BCAS3: variants seen among roughly 807,000 people sequenced by gnomAD.
BCAS3 encodes the protein BCAS4/BCAS3 fusion.
A neutral mutation model predicts 116.1 loss-of-function variants in BCAS3; 53 were observed. That is an observed-to-expected ratio of 0.46 (90% CI 0.37 to 0.57). The LOEUF (loss-of-function observed/expected upper bound fraction) is 0.57. Among genes scored for constraint, BCAS3 ranks in the 20% least tolerant of loss-of-function variants. The pLI, the probability that BCAS3 is intolerant of heterozygous loss-of-function variation, is 0.00. For missense variants in BCAS3, 917 were observed against 1,165.4 expected, an observed-to-expected ratio of 0.79 and a Z score of 3.10; for synonymous variants, 391 against 408.2, an observed-to-expected ratio of 0.96 and a Z score of 0.51.
At chr17:60,740,498 C>T (rs868434229) in intron 5 of BCAS3, among the ~76,000 whole-genome samples, 37 of 58,364 alleles carry the variant, frequency 6.3e-4, no homozygotes, top group East Asian at 4.7e-3. Context: ...GACCCTGTCT[C>T]AAAAAAAAAA....
chr17:61,152,331 G>T (rs1185951606), intron 22 of BCAS3, among the ~76,000 whole-genome samples: 1 of 152,080 alleles, frequency 6.6e-6, no homozygotes, highest in African/African-American at 2.4e-5. Flanking sequence ...CTAGTGATTG[G>T]TGTGTTTTAC....
intron 15 of BCAS3, among the ~76,000 whole-genome samples, chr17:60,996,305 C>A (rs990008885): frequency 1.3e-5 from 2 of 152,116 alleles, no homozygotes; most frequent in African/African-American, 4.8e-5. Context: ...TGCAAAAAAT[C>A]AGGCAAGAAA....
At chr17:61,143,696 G>A (rs543621603) in intron 22 of BCAS3, among the ~76,000 whole-genome samples, 1 of 152,180 alleles carries the variant, frequency 6.6e-6, no homozygotes. Context: ...GTAATCCCAG[G>A]TACTAGGGAG....
intron 22 of BCAS3, among the ~76,000 whole-genome samples, chr17:61,185,071 T>C (rs935467403): frequency 2.6e-5 from 4 of 151,860 alleles, no homozygotes; most frequent in African/African-American, 9.7e-5. Flanking sequence ...ACACTTAAAA[T>C]GGGTGAGTTT....
In BCAS3 at chr17:61,256,626, T is replaced by A. The variant is rs1302702857; in HGVS notation, c.2426-111701T>A. On this transcript the variant is annotated intron_variant, in intron 22 of 23. Coordinates refer to ENST00000407086, the MANE Select transcript of BCAS3 (RefSeq NM_017679.5). This position sits in a 1 kb window ranked among gnomAD's most constrained non-coding sequence, Gnocchi z 5.6. The stretch of plus-strand genomic sequence containing the variant: ...GCCGTTTGGTTTTGTTTAGGTGTCT[T>A]TGTCCATGGAGTGCTATGTGTCCAG... Among the ~76,000 whole-genome samples the A allele has an allele frequency of 6.6e-6, 1 of 152,130 alleles. No homozygotes were observed. The highest frequency in any genetic ancestry group is 1.5e-5 in the Non-Finnish European group (1 of 68,012).
intron 10 of BCAS3, among the ~76,000 whole-genome samples, chr17:60,901,208 C>T (rs1321154715): frequency 1.4e-5 from 2 of 147,818 alleles, no homozygotes; most frequent in Non-Finnish European, 3.0e-5. Context: ...GAGACTCTGT[C>T]TCTTAAAAAA....
chr17:61,358,759 G>T (rs1191207177), intron 22 of BCAS3, among the ~76,000 whole-genome samples: 1 of 152,018 alleles, frequency 6.6e-6, no homozygotes, highest in Non-Finnish European at 1.5e-5. Flanking sequence ...GCCTCCCAAA[G>T]TGCTGGGATT....
At chr17:60,843,535 G>C (rs2052183827) in intron 7 of BCAS3, among the ~76,000 whole-genome samples, 1 of 152,008 alleles carries the variant, frequency 6.6e-6, no homozygotes, top group Non-Finnish European at 1.5e-5. Context: ...ATTTGTTGAA[G>C]TTAAGAATAT....
intron 15 of BCAS3, among the ~76,000 whole-genome samples, chr17:61,014,181 C>G (rs111516742): frequency 3.3e-5 from 5 of 151,938 alleles, no homozygotes; most frequent in African/African-American, 1.2e-4. Flanking sequence ...CAGTCAAGAA[C>G]AGTGATATAA....
rs2058165799 is a variant in BCAS3, at chr17:61,356,925, C to T, written c.2426-11402C>T. ...GACATGGGCCATGGAGCTGCAGGCT[C>T]ACCTGCCCCCGGCTGAGTCAGGACC... On this transcript the variant is annotated intron_variant, in intron 22 of 23. Transcript: ENST00000407086. This position sits in a 1 kb window ranked among gnomAD's most constrained non-coding sequence, Gnocchi z 5.4. 2 of 152,350 alleles carry T rather than the reference C, an allele frequency of 1.3e-5. No homozygotes were observed. Among genetic ancestry groups the T allele is most frequent in the African/African-American group, 2.4e-5 (1 of 41,582 alleles). 9.4% of individuals were successfully genotyped at this position (152,350 alleles called of 1,614,324 possible). A position where few individuals can be genotyped will look rare whatever the true frequency, so the allele number is the denominator to read the frequency against.
rs529214269 is a variant in BCAS3 at position 61,371,730 on chromosome 17, A to T, written c.2593+3236A>T. The stretch of plus-strand genomic sequence containing the variant: ...TCAATTAAAAAATATATATTTTTTT[A>T]AAAGTGTGGTCTTCAGACCCACAGC... On this transcript the variant is annotated intron_variant, in intron 23 of 23. Transcript: ENST00000407086. 3.0e-3 allele frequency among the ~76,000 whole-genome samples: 450 copies of T among 152,300 alleles called. 2 individuals are homozygous for T. The highest frequency in any genetic ancestry group is 3.5e-3 in the Non-Finnish European group (239 of 68,016).
chr17:61,368,124 C>T lies in BCAS3; in HGVS notation c.2426-203C>T, dbSNP rs146603352. 2.4e-3 allele frequency: 1,043 copies of T among 440,708 alleles called. 10 individuals carry two copies. The highest frequency in any genetic ancestry group is 0.018 in the African/African-American group (906 of 51,092). 27.3% of individuals were successfully genotyped at this position (440,708 alleles called of 1,614,324 possible). ...TGTAAAACCACCAGCCTCAGTGTCA[C>T]GGAAGTCACTCCAGAGGTCTGCACT... On this transcript the variant is annotated intron_variant, in intron 22 of 23. Transcript: ENST00000407086. This position sits in a 1 kb window ranked among gnomAD's most constrained non-coding sequence, Gnocchi z 6.0.
At chr17:60,935,963 C>T (rs913125437) in intron 13 of BCAS3, among the ~76,000 whole-genome samples, 4 of 151,922 alleles carry the variant, frequency 2.6e-5, no homozygotes, top group East Asian at 1.9e-4. Context: ...CCCAGTAACT[C>T]GTCATTTAAC....
chr17:61,318,325 A>C (rs933350965), intron 22 of BCAS3, among the ~76,000 whole-genome samples: 1 of 152,202 alleles, frequency 6.6e-6, no homozygotes, highest in Non-Finnish European at 1.5e-5. Flanking sequence ...CTCAGTTGGA[A>C]ACTTTCTTCT....
At chr17:60,809,292 G>C (rs1415019451) in intron 7 of BCAS3, among the ~76,000 whole-genome samples, 1 of 150,290 alleles carries the variant, frequency 6.7e-6, no homozygotes, top group Non-Finnish European at 1.5e-5. Flanking sequence ...AAAAAAGAGA[G>C]AGTTTGTGAC....
intron 22 of BCAS3, among the ~76,000 whole-genome samples, chr17:61,197,339 AC>A (rs1230363431): frequency 1.3e-5 from 2 of 152,226 alleles, no homozygotes; most frequent in Non-Finnish European, 2.9e-5. Flanking sequence ...CTCCAGTCTT[AC>A]GTTTGCTTAA....
At chr17:60,905,563 A>G (rs8071654) in intron 11 of BCAS3, among the ~76,000 whole-genome samples, 51,664 of 152,068 alleles carry the variant, frequency 0.34, 15,680 homozygotes, top group African/African-American at 0.82. Flanking sequence ...TTTTGGGTCC[A>G]TTTCTCTTGT....
chr17:60,889,624 CATCGATATAT>C, intron 9 of BCAS3, 61 bp from the exon 10 acceptor site: 2 of 1,220,048 alleles, frequency 1.6e-6, no homozygotes, highest in Admixed American at 3.9e-5. Context: ...GTTTTTCTGG[CATCGATATAT>C]GATGCACCAA....
At position 61,136,694 on chromosome 17, in the gene BCAS3, G is replaced by C. The variant is rs1323928794; in HGVS notation, c.2425+52130G>C. Among the ~76,000 whole-genome samples the C allele has an allele frequency of 6.6e-6, 1 of 152,118 alleles. No homozygotes were observed. The highest frequency in any genetic ancestry group is 1.9e-4 in the East Asian group (1 of 5,198). ...TATACCTCAGCCTCCTGAGTAGCTG[G>C]GATTACAGGTGTGTGCCACCACACG... On this transcript the variant is annotated intron_variant, in intron 22 of 23. Coordinates refer to ENST00000407086, the MANE Select transcript of BCAS3 (RefSeq NM_017679.5). This position sits in a 1 kb window ranked among gnomAD's most constrained non-coding sequence, Gnocchi z 4.4.
Sources: gnomAD v4.1 joint callset for allele counts (sites outside exome capture counted in the v4.1 genomes callset) on GRCh38, gnomAD v4.1.1 for gene constraint, Gnocchi (gnomAD v3.1) non-coding constraint, MANE v1.5 for transcripts, NCBI Gene and HGNC (gene_info 2026-07-23, HGNC 2026-07-21) for gene names.